The following SLC38A10 variants were observed in gnomAD, a reference collection of about 807,000 sequenced individuals.
SLC38A10 encodes solute carrier family 38 member 10, also known as Sodium-coupled neutral amino acid transporter 10.
SLC38A10 carries 53 observed loss-of-function variants against 81.0 expected under a neutral mutation model. The ratio of observed to expected loss-of-function variants is 0.65; its 90% confidence interval spans 0.53 to 0.82. The LOEUF (loss-of-function observed/expected upper bound fraction) is 0.82, where lower values mean the gene tolerates loss of function less well. SLC38A10 is among the 40% of genes least tolerant of loss of function. SLC38A10 has a pLI of 0.00. For missense variants in SLC38A10, 1,471 were observed against 1,545.0 expected, an observed-to-expected ratio of 0.95 and a Z score of 0.80; for synonymous variants, 665 against 655.3, an observed-to-expected ratio of 1.01 and a Z score of -0.23.
At position 81,289,756 on chromosome 17, in the gene SLC38A10, T is replaced by A; in HGVS notation, c.152A>T (p.His51Leu). 2.5e-6 allele frequency: 4 copies of A among 1,609,978 alleles called. No individual in the cohort carries two copies. The highest frequency in any genetic ancestry group is 3.4e-6 in the Non-Finnish European group (4 of 1,179,014). The change falls in exon 2 of 16, where the codon CAC becomes CTC. Residue 51 changes from histidine to leucine, a missense_variant. Physicochemically the swap from His to Leu is moderately conservative, Grantham distance 99. Transcript: ENST00000374759. This position sits in a 1 kb window ranked among gnomAD's most constrained non-coding sequence, Gnocchi z 5.9. ...LLLVFCSWMT[H>L]QSCMFLVKSA... ...CTTCACCAAGAACATGCACGACTGG[T>A]GCGTCATCCATGAGCAGAAGACCAA...
chr17:81,268,463 T>C (rs968294915), intron 10 of SLC38A10, among the ~76,000 whole-genome samples: 2 of 151,896 alleles, frequency 1.3e-5, no homozygotes, highest in Non-Finnish European at 2.9e-5. Context: ...TGGAGTGCAG[T>C]GGTGCTATCT....
chr17:81,284,230 C>T (rs1288419583), intron 3 of SLC38A10, among the ~76,000 whole-genome samples: 2 of 152,036 alleles, frequency 1.3e-5, no homozygotes, highest in African/African-American at 2.4e-5. Context: ...TGGTGGCACG[C>T]GCCTGTAATC....
At position 81,280,693 on chromosome 17, in the gene SLC38A10, T is replaced by C. The variant is rs774100244; in HGVS notation, c.542A>G (p.Gln181Arg). Residue 181 changes from glutamine to arginine, a missense_variant, in exon 6 of 16, where the codon CAG becomes CGG. Physicochemically the swap from Gln to Arg is conservative, Grantham distance 43. This residue lies in a region of SLC38A10 where 720 missense variants were observed against 827.7 expected (regional missense o/e 0.87). Coordinates refer to ENST00000374759, the MANE Select transcript of SLC38A10 (RefSeq NM_001037984.3). ...GACGTAGCTGACCCGCCGCAGCCACTGCCCACTGAAGAGGCCGTGCTTGAG... is the reference window on the plus strand; with the variant it reads ...GACGTAGCTGACCCGCCGCAGCCACCGCCCACTGAAGAGGCCGTGCTTGAG... ...SSLKHGLFSG[Q>R]WLRRVSYVRW... The C allele has an allele frequency of 6.2e-6, 10 of 1,613,636 alleles. No homozygotes were observed. Among genetic ancestry groups the C allele is most frequent in the African/African-American group, 1.3e-5 (1 of 74,920 alleles).
chr17:81,251,375 A>G (rs148338421), intron 14 of SLC38A10, 118 bp downstream of exon 14: 5 of 1,612,588 alleles, frequency 3.1e-6, no homozygotes, highest in South Asian at 2.2e-5. Context: ...AGGCGGCTGG[A>G]AAGAGAAGGG....
chr17:81,251,665 T>C, intron 13 of SLC38A10, 53 bp from the exon 14 acceptor site: 13 of 1,450,488 alleles, frequency 9.0e-6, no homozygotes, highest in Non-Finnish European at 1.2e-5. Context: ...AAGGGAGGGT[T>C]TGGGGGGTTG....
At chr17:81,275,895 G>C in intron 8 of SLC38A10, 74 bp downstream of exon 8, 3 of 1,478,516 alleles carry the variant, frequency 2.0e-6, no homozygotes, top group Non-Finnish European at 2.7e-6. Flanking sequence ...CTCTGGTTCG[G>C]GACAGCTGGG....
intron 9 of SLC38A10, 121 bp downstream of exon 9, chr17:81,272,395 A>G (rs2063124448): frequency 1.9e-6 from 1 of 521,828 alleles, no homozygotes; most frequent in Non-Finnish European, 3.2e-6. Flanking sequence ...CAAAGTCTCT[A>G]GACTTTTTTA....
chr17:81,282,419 C>A, intron 4 of SLC38A10, 87 bp from the exon 5 acceptor site: 1 of 1,513,624 alleles, frequency 6.6e-7, no homozygotes, highest in Non-Finnish European at 8.9e-7. Context: ...GGGAGCGCCC[C>A]GAGCCCGAAA....
chr17:81,280,489 A>T, intron 6 of SLC38A10, 120 bp downstream of exon 6: 2 of 1,446,912 alleles, frequency 1.4e-6, no homozygotes, highest in Non-Finnish European at 1.9e-6. Flanking sequence ...TGAACAAGAC[A>T]TCACTCTTTA....
intron 13 of SLC38A10, 162 bp from the exon 14 acceptor site, chr17:81,251,774 G>A (rs774453365): frequency 7.1e-5 from 52 of 730,566 alleles, no homozygotes; most frequent in East Asian, 3.1e-4. Context: ...GATTACTAGC[G>A]AAGCAATAAA....
chr17:81,250,549 G>A (rs1031478653), intron 14 of SLC38A10, among the ~76,000 whole-genome samples: 3 of 152,212 alleles, frequency 2.0e-5, no homozygotes, highest in Non-Finnish European at 1.5e-5. Context: ...ACAGGAGGCT[G>A]GAGCGGCTGT....
At chr17:81,256,619 C>G (rs903938927) in intron 11 of SLC38A10, among the ~76,000 whole-genome samples, 1 of 152,210 alleles carries the variant, frequency 6.6e-6, no homozygotes, top group African/African-American at 2.4e-5. Flanking sequence ...GGAGGAGGCT[C>G]GGGATCCCAG....
intron 11 of SLC38A10, among the ~76,000 whole-genome samples, chr17:81,257,710 TC>T (rs1209377793): frequency 1.3e-5 from 2 of 152,188 alleles, no homozygotes; most frequent in East Asian, 3.9e-4. Context: ...CAGCAGACCC[TC>T]CTTCTGTCCC....
chr17:81,277,964 G>A lies in SLC38A10; in HGVS notation c.627-831C>T, dbSNP rs929089198. On this transcript the variant is annotated intron_variant, in intron 6 of 15. Coordinates refer to ENST00000374759, the MANE Select transcript of SLC38A10 (RefSeq NM_001037984.3). The surrounding 1 kb of genome is among the most constrained non-coding windows in gnomAD (Gnocchi z 4.5). ...GAGTCCAGGGGGGTGCTCCTAGGGT[G>A]TCCAGGTGGCCATGGCCATGGCTGT... 1.3e-5 allele frequency among the ~76,000 whole-genome samples: 2 copies of A among 151,838 alleles called. No homozygotes were observed. The highest frequency in any genetic ancestry group is 6.6e-5 in the Admixed American group (1 of 15,266).
At chr17:81,260,818 G>A (rs1408237774) in intron 10 of SLC38A10, among the ~76,000 whole-genome samples, 2 of 152,252 alleles carry the variant, frequency 1.3e-5, no homozygotes, top group Non-Finnish European at 2.9e-5. Flanking sequence ...GGGGAGCAGA[G>A]GCTGAGCACT....
intron 5 of SLC38A10, 83 bp from the exon 6 acceptor site, chr17:81,280,816 G>A: frequency 6.6e-7 from 1 of 1,507,498 alleles, no homozygotes; most frequent in Non-Finnish European, 8.9e-7. Context: ...CCGCTAGGAA[G>A]GAGTGGCAGG....
intron 10 of SLC38A10, among the ~76,000 whole-genome samples, chr17:81,262,168 C>T (rs1165467551): frequency 6.6e-6 from 1 of 152,120 alleles, no homozygotes; most frequent in Non-Finnish European, 1.5e-5. Context: ...TGTGGATGGC[C>T]GTGGCTTAGA....
chr17:81,279,165 T>C (rs1048358722), intron 6 of SLC38A10, among the ~76,000 whole-genome samples: 4 of 152,190 alleles, frequency 2.6e-5, no homozygotes, highest in Non-Finnish European at 4.4e-5. Context: ...ACTGTGAGGA[T>C]GGGGACCCTG....
At chr17:81,294,363 G>C (rs1051410399) in intron 1 of SLC38A10, among the ~76,000 whole-genome samples, 7 of 152,170 alleles carry the variant, frequency 4.6e-5, no homozygotes, top group African/African-American at 1.7e-4. Flanking sequence ...GCAGATCTTA[G>C]GTGTATAACC....
Sources: gnomAD v4.1 joint callset for allele counts (sites outside exome capture counted in the v4.1 genomes callset) on GRCh38, gnomAD v4.1.1 for gene constraint, gnomAD v4.1.1 regional missense constraint, Gnocchi (gnomAD v3.1) non-coding constraint, MANE v1.5 for transcripts, NCBI Gene and HGNC (gene_info 2026-07-23, HGNC 2026-07-21) for gene names.